The following ERP27 variants were observed in gnomAD, a reference collection of about 807,000 sequenced individuals.
ERP27 encodes endoplasmic reticulum protein 27, also known as endoplasmic reticulum resident protein 27.
In ERP27, 23 loss-of-function variants were observed where a neutral mutation model predicts 27.7. The observed-to-expected ratio is 0.83, with a 90% CI of 0.60 to 1.18. The LOEUF (loss-of-function observed/expected upper bound fraction) is 1.18, where lower values mean the gene tolerates loss of function less well. Ranked by LOEUF, ERP27 falls within the 50% of genes most tolerant of loss-of-function variation. ERP27 has a pLI of 0.00. For missense variants in ERP27, 363 were observed against 327.9 expected (o/e 1.11, Z -0.83); for synonymous variants, 159 against 118.3 (o/e 1.34, Z -2.23).
intron 2 of ERP27, among the ~76,000 whole-genome samples, chr12:14,935,502 C>T (rs931396033): frequency 9.9e-5 from 15 of 152,156 alleles, no homozygotes; most frequent in Non-Finnish European, 2.2e-4. Flanking sequence ...GTTTTTAAAA[C>T]TAACTCTGGG....
At chr12:14,925,867 A>C (rs760217576) in intron 3 of ERP27, among the ~76,000 whole-genome samples, 5 of 152,130 alleles carry the variant, frequency 3.3e-5, no homozygotes, top group Non-Finnish European at 5.9e-5. Context: ...CAGGAGATCG[A>C]GACCATCCTG....
At chr12:14,923,820 A>G (rs1301175966) in intron 3 of ERP27, among the ~76,000 whole-genome samples, 1 of 152,192 alleles carries the variant, frequency 6.6e-6, no homozygotes, top group Non-Finnish European at 1.5e-5. Flanking sequence ...AGTATTTAGC[A>G]TATCCGTTGC....
At chr12:14,934,518 A>T (rs138416031) in intron 3 of ERP27, among the ~76,000 whole-genome samples, 265 of 152,360 alleles carry the variant, frequency 1.7e-3, no homozygotes, top group African/African-American at 6.2e-3. Context: ...TTGGAGCTCA[A>T]AGTGACCTTA....
intron 3 of ERP27, among the ~76,000 whole-genome samples, chr12:14,927,026 G>A (rs948548771): frequency 6.6e-6 from 1 of 152,092 alleles, no homozygotes; most frequent in Admixed American, 6.5e-5. Flanking sequence ...TTTGAAGGCT[G>A]TTTTTGCTGG....
intron 3 of ERP27, among the ~76,000 whole-genome samples, chr12:14,924,002 A>ACTTCCCT (rs543406697): frequency 1.1e-3 from 167 of 152,150 alleles, no homozygotes; most frequent in African/African-American, 3.8e-3. Context: ...CCCTGTCCCC[A>ACTTCCCT]CTTCCCTCTT....
At chr12:14,931,719 T>C (rs186622807) in intron 3 of ERP27, among the ~76,000 whole-genome samples, 2 of 152,248 alleles carry the variant, frequency 1.3e-5, no homozygotes, top group Admixed American at 6.5e-5. Flanking sequence ...TTAGAGGATG[T>C]TAAACCTGTA....
At chr12:14,930,642 T>C (rs1362855254) in intron 3 of ERP27, among the ~76,000 whole-genome samples, 1 of 152,186 alleles carries the variant, frequency 6.6e-6, no homozygotes, top group Non-Finnish European at 1.5e-5. Context: ...GTTTCATGAA[T>C]TTTACCTAAA....
chr12:14,915,369 G>A, intron 6 of ERP27, 120 bp downstream of exon 6: 1 of 921,164 alleles, frequency 1.1e-6, no homozygotes. Context: ...TCTGCACTTG[G>A]TATCCATTAA....
At chr12:14,922,268 C>T (rs10047541) in intron 3 of ERP27, among the ~76,000 whole-genome samples, 47,053 of 151,956 alleles carry the variant, frequency 0.31, 7,850 homozygotes, top group Non-Finnish European at 0.37. Flanking sequence ...TATGACAGGT[C>T]CCATTGCTCC....
At chr12:14,936,388 G>C (rs1863773691) in intron 2 of ERP27, among the ~76,000 whole-genome samples, 1 of 152,160 alleles carries the variant, frequency 6.6e-6, no homozygotes, top group Non-Finnish European at 1.5e-5. Flanking sequence ...CTTGCGAACA[G>C]TGATTCCAGG....
At chr12:14,932,193 C>T (rs945009773) in intron 3 of ERP27, among the ~76,000 whole-genome samples, 8 of 151,834 alleles carry the variant, frequency 5.3e-5, no homozygotes, top group African/African-American at 1.7e-4. Context: ...TAGGTCATGG[C>T]CTAAGAGGGT....
intron 4 of ERP27, 121 bp from the exon 5 acceptor site, chr12:14,917,424 A>T: frequency 7.5e-7 from 1 of 1,336,464 alleles, no homozygotes; most frequent in Non-Finnish European, 1.0e-6. Flanking sequence ...ACACAAATGG[A>T]ACTAGCTTCC....
chr12:14,928,258 C>A (rs1424095663), intron 3 of ERP27, among the ~76,000 whole-genome samples: 1 of 152,120 alleles, frequency 6.6e-6, no homozygotes, highest in African/African-American at 2.4e-5. Context: ...AGATCAGAAG[C>A]AAATCTCATG....
At chr12:14,919,115 T>C (rs1863458931) in intron 4 of ERP27, among the ~76,000 whole-genome samples, 1 of 152,210 alleles carries the variant, frequency 6.6e-6, no homozygotes, top group African/African-American at 2.4e-5. Flanking sequence ...TTCTGCCCAG[T>C]TGCTACTGGT....
intron 3 of ERP27, among the ~76,000 whole-genome samples, chr12:14,928,329 C>T (rs1280911777): frequency 5.3e-5 from 8 of 152,186 alleles, no homozygotes. Flanking sequence ...CAGCAAGAAT[C>T]TAAGATTGCT....
chr12:14,927,617 G>T (rs1460855110), intron 3 of ERP27, among the ~76,000 whole-genome samples: 2 of 152,070 alleles, frequency 1.3e-5, no homozygotes, highest in Non-Finnish European at 2.9e-5. Context: ...GCTGCTTCTA[G>T]AACTGACCAA....
intron 3 of ERP27, among the ~76,000 whole-genome samples, chr12:14,922,613 T>G (rs894070566): frequency 1.3e-5 from 2 of 152,212 alleles, no homozygotes; most frequent in Admixed American, 6.6e-5. Context: ...TTAAACATAG[T>G]TAAAGTTATC....
Position 14,915,529 on chromosome 12 carries a change from A to T in ERP27, c.734T>A (p.Val245Glu), listed in dbSNP as rs1325342409. 6.2e-7 allele frequency: 1 copy of T among 1,614,106 alleles called. No homozygotes were observed. Among genetic ancestry groups the T allele is most frequent in the Non-Finnish European group, 8.5e-7 (1 of 1,180,028 alleles). ...LPTAEVSVEH[V>E]QNFCDGFLSG... Reference sequence around the variant, plus strand: ...TAGGAATCCATCACAAAAGTTTTGCACATGCTCTACGGAAACTTCTGCTGT... The same window carrying T: ...TAGGAATCCATCACAAAAGTTTTGCTCATGCTCTACGGAAACTTCTGCTGT... Residue 245 changes from valine (V) to glutamate (E), a missense_variant, in exon 6 of 7, where the codon GTG becomes GAG. Transcript: ENST00000266397.
chr12:14,928,891 C>A, intron 3 of ERP27: 1 of 1,507,188 alleles, frequency 6.6e-7, no homozygotes. Flanking sequence ...ATAAAATGAG[C>A]ACACAAAAAA....
Sources: allele counts gnomAD v4.1 joint callset (sites outside exome capture counted in the v4.1 genomes callset), GRCh38; gene constraint gnomAD v4.1.1; transcripts MANE v1.5; gene names NCBI Gene and HGNC (gene_info 2026-07-23, HGNC 2026-07-21).